Variants in PRR5L observed in about 807,000 individuals in gnomAD.
PRR5L encodes proline rich 5 like, also known as proline-rich protein 5-like.
Under a neutral mutation model 36.4 loss-of-function variants are expected in PRR5L, and 21 were observed. That is an observed-to-expected ratio of 0.58 (90% CI 0.41 to 0.83). PRR5L has a LOEUF of 0.83. Among genes scored for constraint, PRR5L ranks in the 40% least tolerant of loss-of-function variants. The pLI, the probability that PRR5L is intolerant of heterozygous loss-of-function variation, is 0.00. For synonymous variants in PRR5L, 188 were observed against 197.0 expected, an observed-to-expected ratio of 0.95 and a Z score of 0.38; for missense variants, 381 against 473.3, an observed-to-expected ratio of 0.80 and a Z score of 1.81.
At position 36,401,160 on chromosome 11, in the gene PRR5L, C is replaced by T. The variant is rs1857785442; in HGVS notation, c.39C>T (p.Phe13=). The stretch of plus-strand genomic sequence containing the variant: ...TCGCTCCCATTCTGCCCGTCGAGTT[C>T]CACAAGATGGGCTCCTTCCGCAGGC... The part of the protein sequence containing the change: ...RGFAPILPVE[F]HKMGSFRRPR... The change falls in exon 2 of 9, where the codon TTC becomes TTT. Residue 13 remains phenylalanine (F), a synonymous_variant. Coordinates refer to ENST00000530639, the MANE Select transcript of PRR5L (RefSeq NM_001160167.2). 1 of 1,614,172 alleles carries T rather than the reference C, an allele frequency of 6.2e-7. No homozygotes were observed. Among genetic ancestry groups the T allele is most frequent in the Non-Finnish European group, 8.5e-7 (1 of 1,180,018 alleles).
At chr11:36,356,635 A>C (rs1857030796) in intron 1 of PRR5L, among the ~76,000 whole-genome samples, 1 of 151,848 alleles carries the variant, frequency 6.6e-6, no homozygotes, top group African/African-American at 2.4e-5. Context: ...CAACTTTTTC[A>C]TTATTATTTT....
intron 3 of PRR5L, among the ~76,000 whole-genome samples, chr11:36,415,357 T>G (rs1858119466): frequency 6.6e-6 from 1 of 152,232 alleles, no homozygotes; most frequent in Non-Finnish European, 1.5e-5. Context: ...TTACGTAATT[T>G]CCAGCAACAA....
rs1198542719 is a variant in PRR5L at position 36,329,612 on chromosome 11, C to A, written c.-126+33174C>A. Among the ~76,000 whole-genome samples the A allele has an allele frequency of 2.0e-5, 3 of 152,170 alleles. No homozygotes were observed. The East Asian group carries it at 5.8e-4, about 29-fold the overall frequency. On this transcript the variant is annotated intron_variant, in intron 1 of 8. Transcript: ENST00000530639. ...AAATAAGTCATCTCATTAAATATGGCCTGGTCATTTATTTGCATAAGTGCA... is the reference window on the plus strand; with the variant it reads ...AAATAAGTCATCTCATTAAATATGGACTGGTCATTTATTTGCATAAGTGCA...
intron 1 of PRR5L, among the ~76,000 whole-genome samples, chr11:36,382,839 C>G (rs928671973): frequency 5.3e-5 from 8 of 152,134 alleles, no homozygotes; most frequent in African/African-American, 1.9e-4. Flanking sequence ...TGTTATCAAG[C>G]CTAGTTGTAC....
chr11:36,388,634 G>A (rs1360880834), intron 1 of PRR5L, among the ~76,000 whole-genome samples: 1 of 151,358 alleles, frequency 6.6e-6, no homozygotes, highest in Admixed American at 6.6e-5. Flanking sequence ...TACATAGATG[G>A]TAGCATAATG....
At chr11:36,401,646 G>A (rs1857800493) in intron 2 of PRR5L, among the ~76,000 whole-genome samples, 1 of 152,104 alleles carries the variant, frequency 6.6e-6, no homozygotes, top group Non-Finnish European at 1.5e-5. Flanking sequence ...TGCCCAGGCT[G>A]GCCTTGAACT....
At chr11:36,446,187 G>A (rs930391210) in intron 6 of PRR5L, 113 bp from the exon 7 acceptor site, 21 of 1,175,936 alleles carry the variant, frequency 1.8e-5, no homozygotes, top group East Asian at 1.3e-4. Flanking sequence ...CCTTGCAGAC[G>A]CCTCATCCCA....
chr11:36,376,357 G>A, intron 1 of PRR5L: 2 of 1,136,934 alleles, frequency 1.8e-6, no homozygotes, highest in Non-Finnish European at 2.2e-6. Context: ...AGGAGGAGGA[G>A]GAGGAGGAGG....
intron 1 of PRR5L, among the ~76,000 whole-genome samples, chr11:36,389,713 A>C (rs2133541030): frequency 6.6e-6 from 1 of 151,210 alleles, no homozygotes; most frequent in South Asian, 2.1e-4. Context: ...TCTGGGTTCA[A>C]GCAATTCTCC....
intron 1 of PRR5L, among the ~76,000 whole-genome samples, chr11:36,346,624 T>A (rs1348461456): frequency 6.6e-6 from 1 of 152,056 alleles, no homozygotes; most frequent in South Asian, 2.1e-4. Context: ...TACAGCATTG[T>A]CCATAGTGAC....
intron 1 of PRR5L, chr11:36,376,563 C>T: frequency 1.0e-6 from 1 of 996,378 alleles, no homozygotes; most frequent in Non-Finnish European, 1.2e-6. Context: ...CGGGGAGAAC[C>T]ATCCAGGTCG....
At chr11:36,458,132 T>A (rs1437311734) in intron 8 of PRR5L, among the ~76,000 whole-genome samples, 1 of 152,238 alleles carries the variant, frequency 6.6e-6, no homozygotes, top group Admixed American at 6.5e-5. Flanking sequence ...GCGTTTTGTC[T>A]CTTATCTCCA....
At chr11:36,343,192 G>A (rs893354545) in intron 1 of PRR5L, among the ~76,000 whole-genome samples, 1 of 152,162 alleles carries the variant, frequency 6.6e-6, no homozygotes, top group Non-Finnish European at 1.5e-5. Context: ...GATCAGAAAT[G>A]CATTCAGAAT....
At chr11:36,440,869 T>C (rs1590594416) in intron 6 of PRR5L, among the ~76,000 whole-genome samples, 1 of 151,964 alleles carries the variant, frequency 6.6e-6, no homozygotes, top group South Asian at 2.1e-4. Context: ...AGGGAGGAGG[T>C]GGCAGACTTT....
rs1467223747 is a variant in PRR5L at position 36,462,889 on chromosome 11, C to T, written c.*153C>T. 6 of 684,406 alleles carry T rather than the reference C, an allele frequency of 8.8e-6. No individual in the cohort carries two copies. Among genetic ancestry groups the T allele is most frequent in the Admixed American group, 7.4e-5 (2 of 26,868 alleles). The allele number at this position is 684,406 out of a possible 1,614,324, so 42.4% of individuals were successfully genotyped here. A position where few individuals can be genotyped will look rare whatever the true frequency, so the allele number is the denominator to read the frequency against. ...TGGTCAAAATGACCTAAGGGGAAAC[C>T]GTTGTTGTAAACCTCTTTATTTTGG... On this transcript the variant is annotated 3_prime_UTR_variant, in exon 9 of 9. Coordinates refer to ENST00000530639, the MANE Select transcript of PRR5L (RefSeq NM_001160167.2).
At chr11:36,400,833 G>C (rs1334340021) in intron 1 of PRR5L, among the ~76,000 whole-genome samples, 164 bp from the exon 2 acceptor site, 1 of 152,172 alleles carries the variant, frequency 6.6e-6, no homozygotes, top group Non-Finnish European at 1.5e-5. Context: ...CAACCGAAAA[G>C]AGCCCTGTGC....
At chr11:36,364,321 C>T (rs2133504745) in intron 1 of PRR5L, among the ~76,000 whole-genome samples, 1 of 152,236 alleles carries the variant, frequency 6.6e-6, no homozygotes, top group Middle Eastern at 3.4e-3. Context: ...TTGCCTTTGT[C>T]CTTTCCTTCT....
At chr11:36,393,050 G>T (rs747144393) in intron 1 of PRR5L, among the ~76,000 whole-genome samples, 8 of 152,156 alleles carry the variant, frequency 5.3e-5, no homozygotes, top group Non-Finnish European at 7.3e-5. Context: ...CTATAGAGTT[G>T]TTTGAGCTTC....
At chr11:36,305,433 G>T (rs1380135737) in intron 1 of PRR5L, among the ~76,000 whole-genome samples, 2 of 152,164 alleles carry the variant, frequency 1.3e-5, no homozygotes, top group Non-Finnish European at 2.9e-5. Context: ...CCTTTTTGGG[G>T]TGATAAAAGT....
Sources: allele counts gnomAD v4.1 joint callset (sites outside exome capture counted in the v4.1 genomes callset), GRCh38; gene constraint gnomAD v4.1.1; transcripts MANE v1.5; gene names NCBI Gene and HGNC (gene_info 2026-07-23, HGNC 2026-07-21).